The following GLIS3 variants were observed in gnomAD, a reference collection of about 807,000 sequenced individuals.
The protein encoded by GLIS3 is zinc finger protein GLIS3.
GLIS3 carries 53 observed loss-of-function variants against 78.6 expected under a neutral mutation model. That is an observed-to-expected ratio of 0.67 (90% CI 0.54 to 0.85). The LOEUF (loss-of-function observed/expected upper bound fraction) is 0.85. GLIS3 is among the 40% of genes least tolerant of loss of function. The probability of loss-of-function intolerance (pLI) is 0.00; values close to 1 mark genes in which losing one functional copy is unlikely to be tolerated. For synonymous variants in GLIS3, 684 were observed against 509.9 expected, an observed-to-expected ratio of 1.34 and a Z score of -4.60; for missense variants, 1,703 against 1,231.1, an observed-to-expected ratio of 1.38 and a Z score of -5.74.
intron 6 of GLIS3, among the ~76,000 whole-genome samples, chr9:3,919,201 G>T (rs1007049869): frequency 6.6e-6 from 1 of 152,160 alleles, no homozygotes; most frequent in African/African-American, 2.4e-5. Context: ...TTCATGCCAA[G>T]AACTTGTTGA....
At chr9:4,089,751 T>A (rs912220714) in intron 4 of GLIS3, among the ~76,000 whole-genome samples, 2 of 152,016 alleles carry the variant, frequency 1.3e-5, no homozygotes, top group Non-Finnish European at 2.9e-5. Flanking sequence ...TCCAGGAGTT[T>A]GAGGCTATGG....
chr9:3,991,015 G>A (rs1385380024), intron 4 of GLIS3, among the ~76,000 whole-genome samples: 1 of 152,106 alleles, frequency 6.6e-6, no homozygotes. Flanking sequence ...CAAAAATTAG[G>A]GTTAAGGAAC....
chr9:4,392,693 A>G, the GLIS3 span, among the ~76,000 whole-genome samples: 3 of 152,184 alleles, frequency 2.0e-5, no homozygotes, highest in African/African-American at 7.2e-5. Flanking sequence ...GGGAGGAGGG[A>G]CACCCTGTTT....
intron 6 of GLIS3, chr9:3,899,096 T>C (rs1055023578): frequency 9.4e-6 from 5 of 530,640 alleles, no homozygotes; most frequent in African/African-American, 3.8e-5. Context: ...TTCTGGCAAC[T>C]CAACTTCCTA....
At chr9:4,463,822 C>T in the GLIS3 span, among the ~76,000 whole-genome samples, 11 of 152,244 alleles carry the variant, frequency 7.2e-5, no homozygotes, top group African/African-American at 2.4e-4. Flanking sequence ...TTCATGGTGA[C>T]GTTCAGCACT....
In GLIS3 at chr9:4,027,824, C is replaced by T. The variant is rs535968414; in HGVS notation, c.1710+89944G>A. On this transcript the variant is annotated intron_variant, in intron 4 of 10. Transcript: ENST00000381971. The stretch of plus-strand genomic sequence containing the variant: ...GTCTCTAAATGAGAACAGACAGCCC[C>T]GGCGGAACCCTCGTAGGAGAGGTAC... Among the ~76,000 whole-genome samples the T allele has an allele frequency of 4.2e-3, 639 of 152,276 alleles. 1 individual carries two copies. Among genetic ancestry groups the T allele is most frequent in the Non-Finnish European group, 6.3e-3 (430 of 68,026 alleles).
intron 2 of GLIS3, among the ~76,000 whole-genome samples, chr9:4,223,018 C>T (rs1472799459): frequency 6.6e-6 from 1 of 152,098 alleles, no homozygotes; most frequent in East Asian, 1.9e-4. Context: ...CTTAGGTAGG[C>T]TGGGATCTTT....
chr9:3,888,934 G>T (rs1319040977), intron 7 of GLIS3, among the ~76,000 whole-genome samples: 2 of 152,134 alleles, frequency 1.3e-5, no homozygotes, highest in African/African-American at 4.8e-5. Context: ...ATATTTTGAG[G>T]AAGCATGTGA....
At chr9:4,116,947 G>T (rs1224055765) in intron 4 of GLIS3, among the ~76,000 whole-genome samples, 1 of 152,138 alleles carries the variant, frequency 6.6e-6, no homozygotes, top group Non-Finnish European at 1.5e-5. Flanking sequence ...AACCCTGAGG[G>T]TTTCTGTGAG....
chr9:4,392,091 T>C, the GLIS3 span, among the ~76,000 whole-genome samples: 12 of 152,150 alleles, frequency 7.9e-5, no homozygotes, highest in African/African-American at 2.7e-4. Flanking sequence ...GATCATGTCC[T>C]TTGCAGGGAC....
At chr9:3,900,825 T>C (rs1371930479) in intron 6 of GLIS3, 1 of 152,150 alleles carries the variant, frequency 6.6e-6, no homozygotes, top group East Asian at 1.9e-4. Flanking sequence ...TCTTCTGCTT[T>C]CTGTAAGGTC....
intron 9 of GLIS3, among the ~76,000 whole-genome samples, chr9:3,830,697 AC>A (rs1196742891): frequency 3.9e-5 from 6 of 152,180 alleles, no homozygotes; most frequent in African/African-American, 1.4e-4. Flanking sequence ...TGGACTTTGG[AC>A]CCTTATTCCT....
intron 4 of GLIS3, among the ~76,000 whole-genome samples, chr9:4,093,661 G>A (rs544148029): frequency 6.6e-6 from 1 of 152,314 alleles, no homozygotes; most frequent in East Asian, 1.9e-4. Context: ...TCTTGAGGAA[G>A]CTTATCACAG....
intron 4 of GLIS3, among the ~76,000 whole-genome samples, chr9:3,989,713 G>A (rs1054220112): frequency 6.6e-6 from 1 of 152,196 alleles, no homozygotes; most frequent in African/African-American, 2.4e-5. Context: ...GTGGTTGCCA[G>A]GAAGGTTAGG....
chr9:3,986,615 C>A lies in GLIS3; in HGVS notation c.1711-49426G>T, dbSNP rs539073241. On this transcript the variant is annotated intron_variant, in intron 4 of 10. Coordinates refer to ENST00000381971, the MANE Select transcript of GLIS3 (RefSeq NM_001042413.2). The stretch of plus-strand genomic sequence containing the variant: ...ATTAAATGTCTTGAGAGCAGGGGCA[C>A]TGGCAGGGAAATCTCACCACAGGCC... 9.8e-5 allele frequency among the ~76,000 whole-genome samples: 15 copies of A among 152,356 alleles called. No individual in the cohort carries two copies. In the East Asian group the frequency reaches 2.7e-3, roughly 27 times the overall value.
chr9:4,293,548 G>A (rs994951174), intron 1 of GLIS3, among the ~76,000 whole-genome samples: 21 of 152,236 alleles, frequency 1.4e-4, no homozygotes, highest in African/African-American at 4.8e-4. Context: ...GTTACAGACA[G>A]AAGTGGAATC....
chr9:4,280,649 G>A (rs1369601955), intron 2 of GLIS3, among the ~76,000 whole-genome samples: 1 of 152,150 alleles, frequency 6.6e-6, no homozygotes. Context: ...ATTTAAATGG[G>A]AATAGCTGGG....
intron 8 of GLIS3, among the ~76,000 whole-genome samples, chr9:3,870,456 A>T (rs545696528): frequency 4.6e-5 from 7 of 152,318 alleles, no homozygotes; most frequent in African/African-American, 1.7e-4. Flanking sequence ...GCTGTTAAAG[A>T]CGTACCTGAG....
intron 8 of GLIS3, among the ~76,000 whole-genome samples, chr9:3,878,217 G>C (rs971741891): frequency 1.8e-4 from 27 of 151,646 alleles, no homozygotes; most frequent in African/African-American, 5.3e-4. Flanking sequence ...CAGATTTAGA[G>C]ACATCCTCTT....
Sources: gnomAD v4.1 joint callset for allele counts (sites outside exome capture counted in the v4.1 genomes callset) on GRCh38, gnomAD v4.1.1 for gene constraint, MANE v1.5 for transcripts, NCBI Gene and HGNC (gene_info 2026-07-23, HGNC 2026-07-21) for gene names.